The following ENPP3 variants were observed in gnomAD, a reference collection of about 807,000 sequenced individuals.
ENPP3 encodes the protein ectonucleotide pyrophosphatase/phosphodiesterase 3, also known as ectonucleotide pyrophosphatase/phosphodiesterase family member 3.
A neutral mutation model predicts 117.8 loss-of-function variants in ENPP3; 104 were observed. That is an observed-to-expected ratio of 0.88 (90% CI 0.75 to 1.04). ENPP3 has a LOEUF of 1.04. Among genes scored for constraint, ENPP3 ranks in the 50% least tolerant of loss-of-function variants. The pLI is 0.00. For missense variants in ENPP3, 1,026 were observed against 1,051.9 expected, an observed-to-expected ratio of 0.98 and a Z score of 0.34; for synonymous variants, 380 against 349.9, an observed-to-expected ratio of 1.09 and a Z score of -0.96.
intron 3 of ENPP3, 115 bp downstream of exon 3, chr6:131,650,264 G>C: frequency 8.8e-7 from 1 of 1,138,220 alleles, no homozygotes. Flanking sequence ...CTGTTGCCTA[G>C]GCTGGAGTGC....
rs150884645 is a variant in ENPP3 at position 131,652,551 on chromosome 6, G to A, written c.287G>A (p.Trp96Ter). 5.1e-5 allele frequency: 83 copies of A among 1,613,994 alleles called. No homozygotes were observed. In the African/African-American group the frequency reaches 1.0e-3, roughly 20 times the overall value. The part of the protein sequence containing the change: ...EDTCVESTRI[W>*]MCNKFRCGET... ...TTGTATCGTTTTACAGCTCGAATATGGATGTGCAATAAATTTCGTTGTGGA... is the reference window on the plus strand; with the variant it reads ...TTGTATCGTTTTACAGCTCGAATATAGATGTGCAATAAATTTCGTTGTGGA... Residue 96 changes from tryptophan (W) to a stop codon, truncating the protein, a stop_gained, in exon 4 of 25, where the codon TGG becomes TAG. Coordinates refer to ENST00000357639, the MANE Select transcript of ENPP3 (RefSeq NM_005021.5). LOFTEE classifies it high-confidence loss of function.
intron 2 of ENPP3, among the ~76,000 whole-genome samples, chr6:131,642,418 TC>T (rs1319278220): frequency 1.3e-5 from 2 of 152,148 alleles, no homozygotes; most frequent in Non-Finnish European, 2.9e-5. Context: ...TACCTCACAT[TC>T]CTTTTGCTAT....
At chr6:131,737,972 A>G (rs1780435555) in intron 22 of ENPP3, 59 bp from the exon 23 acceptor site, 1 of 1,237,676 alleles carries the variant, frequency 8.1e-7, no homozygotes, top group Non-Finnish European at 1.1e-6. Context: ...CTATAATAGA[A>G]AATAGTGTCA....
chr6:131,654,523 G>T (rs1050705694), intron 5 of ENPP3, among the ~76,000 whole-genome samples: 1 of 151,876 alleles, frequency 6.6e-6, no homozygotes, highest in Non-Finnish European at 1.5e-5. Context: ...ACTCATAGCA[G>T]CTGCTACCTC....
intron 15 of ENPP3, among the ~76,000 whole-genome samples, chr6:131,712,531 A>G (rs1779810666): frequency 7.7e-6 from 1 of 130,102 alleles, no homozygotes; most frequent in South Asian, 2.3e-4. Flanking sequence ...TCTGAACTCC[A>G]GTAGCTTTCC....
intron 15 of ENPP3, among the ~76,000 whole-genome samples, chr6:131,703,741 T>A (rs1779586300): frequency 6.6e-6 from 1 of 151,776 alleles, no homozygotes; most frequent in Non-Finnish European, 1.5e-5. Context: ...CTGCTGCCCA[T>A]CTGAGAACTG....
chr6:131,648,426 T>C (rs1318296156), intron 2 of ENPP3, among the ~76,000 whole-genome samples: 3 of 152,098 alleles, frequency 2.0e-5, no homozygotes, highest in Admixed American at 1.3e-4. Flanking sequence ...AAGAGATTCC[T>C]TACCCTATAT....
At chr6:131,649,997 T>C in intron 2 of ENPP3, 30 bp from the exon 3 acceptor site, 2 of 1,613,338 alleles carry the variant, frequency 1.2e-6, no homozygotes, top group Non-Finnish European at 1.7e-6. Flanking sequence ...AGCTCCTAAA[T>C]GTTCGGGCCC....
At chr6:131,719,937 AGAT>A (rs1200209671) in intron 16 of ENPP3, among the ~76,000 whole-genome samples, 1 of 152,230 alleles carries the variant, frequency 6.6e-6, no homozygotes, top group African/African-American at 2.4e-5. Context: ...CAATATGAAA[AGAT>A]AATATGATGT....
chr6:131,660,692 C>T (rs1585630763), intron 6 of ENPP3, among the ~76,000 whole-genome samples: 1 of 152,148 alleles, frequency 6.6e-6, no homozygotes, highest in East Asian at 1.9e-4. Context: ...TTATACTGGC[C>T]ATAGCAGATG....
chr6:131,651,079 C>T (rs1180323916), intron 3 of ENPP3, among the ~76,000 whole-genome samples: 1 of 152,054 alleles, frequency 6.6e-6, no homozygotes, highest in East Asian at 1.9e-4. Flanking sequence ...ACTACCAAGC[C>T]TGGCTAATTT....
chr6:131,712,623 C>A (rs1779812108), intron 15 of ENPP3, among the ~76,000 whole-genome samples: 1 of 133,798 alleles, frequency 7.5e-6, no homozygotes, highest in African/African-American at 3.7e-5. Flanking sequence ...CTCTTCTTAG[C>A]CAACTGTCAC....
chr6:131,694,726 G>A (rs1321029852), intron 15 of ENPP3, among the ~76,000 whole-genome samples: 4 of 151,758 alleles, frequency 2.6e-5, no homozygotes, highest in Non-Finnish European at 1.5e-5. Context: ...CCAAGCTACT[G>A]GAGAGGCTGA....
chr6:131,651,720 C>G (rs1440952934), intron 3 of ENPP3, among the ~76,000 whole-genome samples: 1 of 152,108 alleles, frequency 6.6e-6, no homozygotes, highest in Non-Finnish European at 1.5e-5. Context: ...AGAGTTCCTT[C>G]CATTATGTTC....
In ENPP3 at chr6:131,665,671, G is replaced by A. The variant is rs997731349; in HGVS notation, c.563-5577G>A. On this transcript the variant is annotated intron_variant, in intron 6 of 24. Coordinates refer to ENST00000357639, the MANE Select transcript of ENPP3 (RefSeq NM_005021.5). The stretch of plus-strand genomic sequence containing the variant: ...GTATGTCAATTTTGTTTATCTTTTC[G>A]AAGAACCAACTCTTAGTTTCATTGA... Among the ~76,000 whole-genome samples the A allele has an allele frequency of 3.3e-5, 5 of 151,478 alleles. No individual in the cohort carries two copies. The South Asian group carries it at 1.0e-3, about 31-fold the overall frequency.
At chr6:131,718,342 TA>T (rs1041811490) in intron 15 of ENPP3, among the ~76,000 whole-genome samples, 5 of 152,254 alleles carry the variant, frequency 3.3e-5, no homozygotes, top group East Asian at 1.9e-4. Context: ...CATTTTTTTT[TA>T]AAATATGTAC....
chr6:131,717,818 G>A (rs3850249), intron 15 of ENPP3, among the ~76,000 whole-genome samples: 39,087 of 152,004 alleles, frequency 0.26, 8,339 homozygotes, highest in African/African-American at 0.57. Flanking sequence ...TGAACTGCTT[G>A]TGTGATGGTG....
intron 11 of ENPP3, among the ~76,000 whole-genome samples, chr6:131,679,510 T>C (rs75087377): frequency 9.7e-6 from 1 of 103,088 alleles, no homozygotes; most frequent in Non-Finnish European, 1.8e-5. Context: ...TACCATGTCC[T>C]TTTTTTTTTT....
chr6:131,645,593 A>C (rs1778137789), intron 2 of ENPP3, among the ~76,000 whole-genome samples: 1 of 152,172 alleles, frequency 6.6e-6, no homozygotes, highest in Non-Finnish European at 1.5e-5. Context: ...CTAAAACAGG[A>C]TGCATGAGAG....
Sources: gnomAD v4.1 joint callset for allele counts (sites outside exome capture counted in the v4.1 genomes callset) on GRCh38, gnomAD v4.1.1 for gene constraint, MANE v1.5 for transcripts, NCBI Gene and HGNC (gene_info 2026-07-23, HGNC 2026-07-21) for gene names.